WDPCP: variants seen among roughly 807,000 people sequenced by gnomAD.
WDPCP encodes WD repeat-containing and planar cell polarity effector protein fritz homolog.
A neutral mutation model predicts 93.1 loss-of-function variants in WDPCP; 71 were observed. The observed-to-expected ratio is 0.76, with a 90% CI of 0.63 to 0.93. The LOEUF is 0.93. Ranked by LOEUF, WDPCP falls within the 40% of genes least tolerant of loss-of-function variation. The pLI is 0.00. For missense variants in WDPCP, 844 were observed against 887.4 expected, an observed-to-expected ratio of 0.95 and a Z score of 0.62; for synonymous variants, 315 against 315.0, an observed-to-expected ratio of 1.00 and a Z score of 0.00.
intron 1 of WDPCP, among the ~76,000 whole-genome samples, chr2:63,817,362 C>A (rs780514727): frequency 9.2e-5 from 14 of 152,136 alleles, no homozygotes; most frequent in Non-Finnish European, 1.5e-4. Context: ...CCTGTCTTGG[C>A]CTCCCAAAGT....
At chr2:63,835,249 G>A in the WDPCP span, among the ~76,000 whole-genome samples, 2 of 151,830 alleles carry the variant, frequency 1.3e-5, no homozygotes, top group Non-Finnish European at 2.9e-5. Flanking sequence ...AATTAGCCAG[G>A]TGAGGTGGCA....
chr2:63,288,590 A>T (rs913634855), intron 13 of WDPCP, among the ~76,000 whole-genome samples: 4 of 152,322 alleles, frequency 2.6e-5, no homozygotes, highest in African/African-American at 9.6e-5. Context: ...GAACCATTTC[A>T]GAGTAAGTTG....
chr2:63,661,012 T>A (rs189657189), intron 2 of WDPCP, among the ~76,000 whole-genome samples: 1 of 152,376 alleles, frequency 6.6e-6, no homozygotes, highest in East Asian at 1.9e-4. Context: ...TCTTGACTTT[T>A]GTTTCATAGC....
At chr2:63,310,252 T>C (rs1187330350) in intron 13 of WDPCP, among the ~76,000 whole-genome samples, 4 of 152,156 alleles carry the variant, frequency 2.6e-5, no homozygotes, top group African/African-American at 4.8e-5. Context: ...AGGTAAATTA[T>C]ACAAAATTAT....
intron 14 of WDPCP, among the ~76,000 whole-genome samples, chr2:63,186,415 T>C (rs1218791104): frequency 6.6e-6 from 1 of 152,248 alleles, no homozygotes; most frequent in Non-Finnish European, 1.5e-5. Flanking sequence ...TGCCCATGGC[T>C]ACTGTTGCCA....
At chr2:63,285,262 C>A (rs1164312722) in intron 13 of WDPCP, among the ~76,000 whole-genome samples, 1 of 152,002 alleles carries the variant, frequency 6.6e-6, no homozygotes, top group Non-Finnish European at 1.5e-5. Flanking sequence ...AACCCCGGCT[C>A]TACTAAAAAT....
At chr2:63,149,828 CCT>C (rs1671772489) in intron 17 of WDPCP, among the ~76,000 whole-genome samples, 1 of 151,784 alleles carries the variant, frequency 6.6e-6, no homozygotes, top group African/African-American at 2.4e-5. Context: ...ATAGCAAGAC[CCT>C]GTCTCTACAA....
intron 6 of WDPCP, among the ~76,000 whole-genome samples, chr2:63,477,112 G>A (rs1001370903): frequency 6.6e-6 from 1 of 152,080 alleles, no homozygotes; most frequent in African/African-American, 2.4e-5. Context: ...TATACTTAAT[G>A]ATAATACTGT....
At chr2:63,710,298 G>A (rs1377984261) in intron 2 of WDPCP, among the ~76,000 whole-genome samples, 1 of 152,200 alleles carries the variant, frequency 6.6e-6, no homozygotes, top group East Asian at 1.9e-4. Flanking sequence ...AAGGTTGGCT[G>A]AGTTTGTCTA....
chr2:63,500,181 T>A (rs1701453976), intron 1 of WDPCP, among the ~76,000 whole-genome samples: 1 of 152,126 alleles, frequency 6.6e-6, no homozygotes, highest in Non-Finnish European at 1.5e-5. Context: ...TGTTAATAAG[T>A]TGAATTTTAG....
At chr2:63,140,821 T>C (rs140906437) in intron 17 of WDPCP, among the ~76,000 whole-genome samples, 275 of 152,294 alleles carry the variant, frequency 1.8e-3, no homozygotes, top group African/African-American at 6.2e-3. Context: ...TCTTGTCTGA[T>C]TGCTCTGGCT....
At chr2:63,486,655 G>A (rs1314488775) in intron 3 of WDPCP, 69 bp from the exon 4 acceptor site, 14 of 1,315,898 alleles carry the variant, frequency 1.1e-5, no homozygotes, top group Middle Eastern at 2.4e-4. Flanking sequence ...ATAATGCCTT[G>A]TATTTTAATA....
intron 12 of WDPCP, among the ~76,000 whole-genome samples, chr2:63,328,346 A>G (rs1197739941): frequency 1.3e-5 from 2 of 152,102 alleles, no homozygotes; most frequent in African/African-American, 4.8e-5. Context: ...CGCTCTTCAC[A>G]ATAAATCTTG....
intron 2 of WDPCP, among the ~76,000 whole-genome samples, chr2:63,762,686 T>C (rs1259143729): frequency 2.0e-5 from 3 of 152,166 alleles, no homozygotes; most frequent in Non-Finnish European, 4.4e-5. Context: ...ACATGCTAGC[T>C]CAGATCTTTT....
chr2:63,428,608 C>T (rs1298621317), intron 9 of WDPCP, among the ~76,000 whole-genome samples: 1 of 152,178 alleles, frequency 6.6e-6, no homozygotes, highest in African/African-American at 2.4e-5. Flanking sequence ...TATTTCAAAC[C>T]CACAGCCAAC....
At chr2:63,238,680 C>A (rs1285597942) in intron 14 of WDPCP, among the ~76,000 whole-genome samples, 1 of 152,108 alleles carries the variant, frequency 6.6e-6, no homozygotes, top group Non-Finnish European at 1.5e-5. Flanking sequence ...ATGGACCTTA[C>A]TCCCTTTTTT....
intron 1 of WDPCP, among the ~76,000 whole-genome samples, chr2:63,819,546 C>G (rs1670988854): frequency 6.6e-6 from 1 of 152,196 alleles, no homozygotes; most frequent in South Asian, 2.1e-4. Flanking sequence ...TATTAAAATA[C>G]AGCTTGCTGG....
Position 63,261,520 on chromosome 2 carries a change from A to T in WDPCP, c.1813-2111T>A, listed in dbSNP as rs1316982753. Among the ~76,000 whole-genome samples the T allele has an allele frequency of 2.6e-5, 4 of 152,338 alleles. No individual in the cohort carries two copies. In the East Asian group the frequency reaches 7.7e-4, roughly 29 times the overall value. Reference sequence around the variant, plus strand: ...GGAAAGACATTTTCAAAGGTGAAGTATGTAAAATCTCATTGTAGATAAGCA... The same window carrying T: ...GGAAAGACATTTTCAAAGGTGAAGTTTGTAAAATCTCATTGTAGATAAGCA... On this transcript the variant is annotated intron_variant, in intron 13 of 17. Coordinates refer to ENST00000272321, the MANE Select transcript of WDPCP (RefSeq NM_015910.7).
chr2:63,385,951 T>C (rs913400166), intron 10 of WDPCP, among the ~76,000 whole-genome samples: 9 of 152,046 alleles, frequency 5.9e-5, no homozygotes, highest in African/African-American at 2.2e-4. Flanking sequence ...CAGTTATTGA[T>C]AGATCAAAGT....
Sources: allele counts gnomAD v4.1 joint callset (sites outside exome capture counted in the v4.1 genomes callset), GRCh38; gene constraint gnomAD v4.1.1; transcripts MANE v1.5; gene names NCBI Gene and HGNC (gene_info 2026-07-23, HGNC 2026-07-21).